The following NRG1 variants were observed in gnomAD, a reference collection of about 807,000 sequenced individuals.
NRG1 encodes the protein neuregulin 1, also known as pro-neuregulin-1, membrane-bound isoform.
NRG1 carries 18 observed loss-of-function variants against 63.8 expected under a neutral mutation model. That is an observed-to-expected ratio of 0.28 (90% confidence interval 0.19 to 0.42). NRG1 has a LOEUF of 0.42. Among genes scored for constraint, NRG1 ranks in the 10% least tolerant of loss-of-function variants. The pLI is 1.00. For missense variants in NRG1, 762 were observed against 814.7 expected (o/e 0.94, Z 0.79); for synonymous variants, 302 against 301.3 (o/e 1.00, Z -0.02).
At chr8:32,066,897 C>G (rs1293105900) in intron 1 of NRG1, among the ~76,000 whole-genome samples, 1 of 151,834 alleles carries the variant, frequency 6.6e-6, no homozygotes, top group Admixed American at 6.6e-5. Context: ...TTGAAGAGGT[C>G]CTTCACATCC....
chr8:31,954,378 G>A (rs986440604), intron 1 of NRG1, among the ~76,000 whole-genome samples: 1 of 152,164 alleles, frequency 6.6e-6, no homozygotes, highest in Admixed American at 6.6e-5. Context: ...AAGTTCTTTG[G>A]AAATATAGTT....
At chr8:32,176,339 A>G (rs1239190292) in intron 1 of NRG1, among the ~76,000 whole-genome samples, 2 of 152,226 alleles carry the variant, frequency 1.3e-5, no homozygotes, top group Non-Finnish European at 2.9e-5. Flanking sequence ...AAGGTGATTA[A>G]AGACTTAAAT....
intron 1 of NRG1, among the ~76,000 whole-genome samples, chr8:31,899,913 G>A (rs775603643): frequency 2.0e-5 from 3 of 152,164 alleles, no homozygotes; most frequent in Non-Finnish European, 4.4e-5. Context: ...CTGGTCATCG[G>A]TTTTTCTAAA....
At chr8:32,065,079 A>T (rs1824529295) in intron 1 of NRG1, among the ~76,000 whole-genome samples, 1 of 151,988 alleles carries the variant, frequency 6.6e-6, no homozygotes, top group Non-Finnish European at 1.5e-5. Context: ...AAAAATATGA[A>T]AATGCACATA....
intron 1 of NRG1, among the ~76,000 whole-genome samples, chr8:32,108,218 A>C (rs1831532066): frequency 6.6e-6 from 1 of 152,188 alleles, no homozygotes; most frequent in African/African-American, 2.4e-5. Context: ...TTGCAGGTAG[A>C]ATTAAAGTTA....
At chr8:32,300,464 A>T (rs1312250222) in intron 1 of NRG1, among the ~76,000 whole-genome samples, 1 of 152,220 alleles carries the variant, frequency 6.6e-6, no homozygotes, top group African/African-American at 2.4e-5. Flanking sequence ...AGAGTTGTTT[A>T]TCCAAGAATC....
intron 1 of NRG1, among the ~76,000 whole-genome samples, chr8:31,933,909 C>T (rs1835069131): frequency 6.6e-6 from 1 of 152,034 alleles, no homozygotes; most frequent in African/African-American, 2.4e-5. Context: ...AATAGGAGGC[C>T]TCAAAACACC....
intron 1 of NRG1, among the ~76,000 whole-genome samples, chr8:32,136,018 A>T (rs942069685): frequency 2.0e-5 from 3 of 152,176 alleles, no homozygotes; most frequent in Non-Finnish European, 4.4e-5. Context: ...GGAATCAAAC[A>T]CAGTGCAGAT....
intron 1 of NRG1, among the ~76,000 whole-genome samples, chr8:31,889,533 C>G (rs971878081): frequency 6.6e-6 from 1 of 152,168 alleles, no homozygotes; most frequent in African/African-American, 2.4e-5. Context: ...CTGAAGGAGT[C>G]TTCAGGAGGG....
chr8:31,780,172 C>A (rs1394907043), intron 1 of NRG1, among the ~76,000 whole-genome samples: 2 of 152,098 alleles, frequency 1.3e-5, no homozygotes, highest in African/African-American at 4.8e-5. Flanking sequence ...TTATGGATGA[C>A]CTGTACTTGG....
At chr8:32,208,033 T>G (rs1203192612) in intron 1 of NRG1, among the ~76,000 whole-genome samples, 1 of 152,214 alleles carries the variant, frequency 6.6e-6, no homozygotes, top group African/African-American at 2.4e-5. Flanking sequence ...CATGATTTTT[T>G]TACACAAAGG....
intron 5 of NRG1, among the ~76,000 whole-genome samples, chr8:32,708,064 A>C (rs1351982564): frequency 6.6e-6 from 1 of 151,956 alleles, no homozygotes; most frequent in Admixed American, 6.6e-5. Context: ...TAAAAGTTAA[A>C]TCATCCTTAT....
chr8:32,496,558 C>T (rs1349015131), intron 1 of NRG1, among the ~76,000 whole-genome samples: 1 of 151,866 alleles, frequency 6.6e-6, no homozygotes, highest in Non-Finnish European at 1.5e-5. Flanking sequence ...CCACTGCACT[C>T]CAGCCTGGAG....
intron 1 of NRG1, among the ~76,000 whole-genome samples, chr8:31,802,839 G>A (rs543705881): frequency 1.3e-5 from 2 of 152,292 alleles, no homozygotes; most frequent in Admixed American, 6.5e-5. Flanking sequence ...TGATACTTGA[G>A]TTGTTGGACT....
intron 1 of NRG1, among the ~76,000 whole-genome samples, chr8:32,040,065 T>A (rs762257482): frequency 6.6e-6 from 1 of 151,956 alleles, no homozygotes; most frequent in Non-Finnish European, 1.5e-5. Flanking sequence ...AACAGACTCT[T>A]TCTAGTCATG....
intron 1 of NRG1, among the ~76,000 whole-genome samples, chr8:32,531,754 A>T (rs2129517971): frequency 6.6e-6 from 1 of 152,316 alleles, no homozygotes; most frequent in South Asian, 2.1e-4. Context: ...CTATAAAATG[A>T]GAAAGCGCAA....
chr8:31,840,883 A>G (rs907243762), intron 1 of NRG1, among the ~76,000 whole-genome samples: 10 of 152,162 alleles, frequency 6.6e-5, no homozygotes, highest in Non-Finnish European at 8.8e-5. Context: ...GTTCCTATAC[A>G]GCCAAGTTTT....
chr8:32,318,326 A>G (rs7015770), intron 1 of NRG1, among the ~76,000 whole-genome samples: 85,101 of 151,982 alleles, frequency 0.56, 24,217 homozygotes, highest in Middle Eastern at 0.69. Flanking sequence ...TGTATATTTG[A>G]TGACAGTCAG....
intron 1 of NRG1, among the ~76,000 whole-genome samples, chr8:32,238,462 C>A (rs199831543): frequency 6.6e-6 from 1 of 151,300 alleles, no homozygotes; most frequent in Non-Finnish European, 1.5e-5. Context: ...AAAAAAAAAC[C>A]TTTAGGAAGG....
Sources: allele counts gnomAD v4.1 joint callset (sites outside exome capture counted in the v4.1 genomes callset), GRCh38; gene constraint gnomAD v4.1.1; transcripts MANE v1.5; gene names NCBI Gene and HGNC (gene_info 2026-07-23, HGNC 2026-07-21).